CNKSR2: variants seen among roughly 807,000 people sequenced by gnomAD.
The protein encoded by CNKSR2 is CNK homolog protein 2.
A neutral mutation model predicts 84.4 loss-of-function variants in CNKSR2; 14 were observed. That is an observed-to-expected ratio of 0.17 (90% CI 0.11 to 0.26). The LOEUF is 0.26. Among genes scored for constraint, CNKSR2 ranks in the 10% least tolerant of loss-of-function variants. The pLI, the probability that CNKSR2 is intolerant of heterozygous loss-of-function variation, is 1.00. For synonymous variants in CNKSR2, 275 were observed against 277.9 expected (o/e 0.99, Z 0.10); for missense variants, 485 against 771.2 (o/e 0.63, Z 4.40).
At chrX:21,511,946 T>C (rs1308681587) in intron 8 of CNKSR2, among the ~76,000 whole-genome samples, 3 of 111,397 alleles carry the variant, frequency 2.7e-5, no homozygotes, top group African/African-American at 9.8e-5. Flanking sequence ...CATTAGACCC[T>C]CAAGGATGGG....
chrX:21,416,664 G>A (rs747841490), intron 1 of CNKSR2, among the ~76,000 whole-genome samples: 244 of 111,117 alleles, frequency 2.2e-3, no homozygotes, highest in Middle Eastern at 4.7e-3. Context: ...ATCTTGGTAG[G>A]TTGTTTTTGT....
intron 3 of CNKSR2, among the ~76,000 whole-genome samples, chrX:21,437,201 C>T: frequency 9.0e-6 from 1 of 110,675 alleles, no homozygotes. Flanking sequence ...AAGTGAGATT[C>T]TTTTAAGTAG....
intron 3 of CNKSR2, among the ~76,000 whole-genome samples, chrX:21,438,322 A>G (rs904291895): frequency 3.6e-5 from 4 of 112,093 alleles, no homozygotes; most frequent in African/African-American, 6.5e-5. Flanking sequence ...AGAATACAGT[A>G]TTATAATCTT....
chrX:21,387,431 G>A (rs1402261810), intron 1 of CNKSR2, among the ~76,000 whole-genome samples: 1 of 111,603 alleles, frequency 9.0e-6, no homozygotes, highest in Non-Finnish European at 1.9e-5. Context: ...GCAGTGGGCT[G>A]TGGTCGCGCC....
chrX:21,519,675 T>C (rs1280322440), intron 9 of CNKSR2, among the ~76,000 whole-genome samples: 1 of 111,252 alleles, frequency 9.0e-6, no homozygotes, highest in East Asian at 2.8e-4. Flanking sequence ...CCAAGAATTA[T>C]TTAGAATAGA....
chrX:21,556,632 C>T (rs1941572161), intron 11 of CNKSR2, among the ~76,000 whole-genome samples: 1 of 110,453 alleles, frequency 9.1e-6, no homozygotes, highest in Non-Finnish European at 1.9e-5. Context: ...GTCAAGGACT[C>T]TGAGAATTGT....
Position 21,652,369 on chromosome X carries a change from G to T in CNKSR2, c.2953G>T (p.Glu985Ter). The T allele has an allele frequency of 8.3e-7, 1 of 1,210,902 alleles. No individual in the cohort carries two copies. Among genetic ancestry groups the T allele is most frequent in the Non-Finnish European group, 1.1e-6 (1 of 894,539 alleles). Residue 985 changes from glutamate to a stop codon, truncating the protein, a stop_gained, in exon 22 of 22, where the codon GAA becomes TAA. Coordinates refer to ENST00000379510, the MANE Select transcript of CNKSR2 (RefSeq NM_014927.5). LOFTEE classifies it high-confidence loss of function. ...AGACAATCCAGACTTGACATCTAAA[G>T]AATTCCAACAATGGAAGCAGATGTA... ...VLDNPDLTSK[E>*]FQQWKQMYLD...
chrX:21,445,002 G>A (rs1032244619), intron 4 of CNKSR2, among the ~76,000 whole-genome samples: 17 of 111,331 alleles, frequency 1.5e-4, no homozygotes, highest in East Asian at 5.6e-4. Flanking sequence ...GGCAAGGTAC[G>A]TATTCTATCG....
At chrX:21,446,188 G>A (rs371665666) in intron 4 of CNKSR2, among the ~76,000 whole-genome samples, 28 of 109,724 alleles carry the variant, frequency 2.6e-4, no homozygotes, top group East Asian at 2.0e-3. Context: ...CAAATTTTCC[G>A]TATAATGCTA....
intron 13 of CNKSR2, among the ~76,000 whole-genome samples, chrX:21,573,847 C>T (rs1482762466): frequency 8.9e-6 from 1 of 111,947 alleles, no homozygotes; most frequent in Non-Finnish European, 1.9e-5. Context: ...ACATTCGGCT[C>T]CTTGTTACTC....
chrX:21,517,080 G>A (rs945277251), intron 9 of CNKSR2, among the ~76,000 whole-genome samples: 1 of 111,051 alleles, frequency 9.0e-6, no homozygotes, highest in African/African-American at 3.3e-5. Flanking sequence ...TGTTATATTA[G>A]TAATTAAAAT....
Position 21,574,317 on chromosome X carries a change from A to ATCCTT in CNKSR2, c.1608+10866_1608+10870dup, listed in dbSNP as rs754992007. ...CAAAGTCAGTTCTGCATTTTTGGGTATCCTTATAGCAGCACCCCACTCTAC... is the reference window on the plus strand; with the variant it reads ...CAAAGTCAGTTCTGCATTTTTGGGTATCCTTTCCTTATAGCAGCACCCCACTCTAC... On this transcript the variant is annotated intron_variant, in intron 13 of 21. Transcript: ENST00000379510. 2.1e-4 allele frequency among the ~76,000 whole-genome samples: 23 copies of ATCCTT among 111,859 alleles called. 2 individuals are homozygous for ATCCTT. In the East Asian group the frequency reaches 2.2e-3, roughly 11 times the overall value.
At chrX:21,378,597 G>A (rs1230956275) in intron 1 of CNKSR2, among the ~76,000 whole-genome samples, 1 of 110,903 alleles carries the variant, frequency 9.0e-6, no homozygotes, top group South Asian at 3.8e-4. Context: ...TAGGGCCCCT[G>A]TTATTAACTT....
chrX:21,557,985 A>G (rs913798628), intron 11 of CNKSR2, among the ~76,000 whole-genome samples: 1 of 111,534 alleles, frequency 9.0e-6, no homozygotes, highest in African/African-American at 3.2e-5. Context: ...TAATAATAGC[A>G]TATATTTGAT....
At chrX:21,404,510 C>G (rs775322883) in intron 1 of CNKSR2, among the ~76,000 whole-genome samples, 71 of 110,174 alleles carry the variant, frequency 6.4e-4, no homozygotes, top group Non-Finnish European at 1.2e-3. Context: ...ATATTCTGGC[C>G]AGGCATGGTG....
At chrX:21,466,016 G>T (rs1179415637) in intron 4 of CNKSR2, among the ~76,000 whole-genome samples, 1 of 111,533 alleles carries the variant, frequency 9.0e-6, no homozygotes, top group Non-Finnish European at 1.9e-5. Flanking sequence ...TCATTTTTAT[G>T]AATATTTTCT....
intron 20 of CNKSR2, 30 bp from the exon 21 acceptor site, chrX:21,648,794 CTTTTTTT>C (rs33962399): frequency 1.7e-4 from 53 of 316,069 alleles, no homozygotes; most frequent in Non-Finnish European, 2.1e-4. Context: ...CTCTCTCTTT[CTTTTTTT>C]TTTTTTTTTT....
chrX:21,383,468 A>G lies in CNKSR2; in HGVS notation c.64+8507A>G, dbSNP rs1200622679. ...AAATCAAAATTTATTTAGTAAACCA[A>G]AACTTGCACTGACACCAATATATGA... On this transcript the variant is annotated intron_variant, in intron 1 of 21. Coordinates refer to ENST00000379510, the MANE Select transcript of CNKSR2 (RefSeq NM_014927.5). Among the ~76,000 whole-genome samples the G allele has an allele frequency of 2.7e-5, 3 of 112,411 alleles. No homozygotes were observed. In the Admixed American group the frequency reaches 2.8e-4, roughly 11 times the overall value.
At chrX:21,477,846 T>C (rs1185907094) in intron 5 of CNKSR2, among the ~76,000 whole-genome samples, 1 of 112,195 alleles carries the variant, frequency 8.9e-6, no homozygotes, top group Non-Finnish European at 1.9e-5. Context: ...TAGAGATTTC[T>C]TGAAAACAAT....
Sources: allele counts gnomAD v4.1 joint callset (sites outside exome capture counted in the v4.1 genomes callset), GRCh38; gene constraint gnomAD v4.1.1; transcripts MANE v1.5; gene names NCBI Gene and HGNC (gene_info 2026-07-23, HGNC 2026-07-21).